Variants in KCNK2 observed in about 807,000 individuals in gnomAD.
KCNK2 encodes potassium two pore domain channel subfamily K member 2, also known as potassium channel subfamily K member 2.
A neutral mutation model predicts 40.5 loss-of-function variants in KCNK2; 21 were observed. The ratio of observed to expected loss-of-function variants is 0.52; its 90% CI spans 0.37 to 0.75. The LOEUF (loss-of-function observed/expected upper bound fraction) is 0.75, where lower values mean the gene tolerates loss of function less well. Among genes scored for constraint, KCNK2 ranks in the 30% least tolerant of loss-of-function variants. The probability of loss-of-function intolerance (pLI) is 0.00; values close to 1 mark genes in which losing one functional copy is unlikely to be tolerated. For synonymous variants in KCNK2, 191 were observed against 202.2 expected (o/e 0.94, Z 0.47); for missense variants, 399 against 531.6 (o/e 0.75, Z 2.45).
At chr1:215,046,636 C>G (rs1258887464) in intron 1 of KCNK2, among the ~76,000 whole-genome samples, 1 of 151,998 alleles carries the variant, frequency 6.6e-6, no homozygotes, top group Non-Finnish European at 1.5e-5. Flanking sequence ...GTTTTCTCAG[C>G]TTTTAAAATC....
chr1:215,170,665 G>A (rs555732588), intron 4 of KCNK2, among the ~76,000 whole-genome samples: 1 of 152,188 alleles, frequency 6.6e-6, no homozygotes, highest in South Asian at 2.1e-4. Context: ...GTTCAACATT[G>A]TGTTGAAATA....
At chr1:215,143,460 GTAACAGTATT>G (rs1403063398) in intron 3 of KCNK2, among the ~76,000 whole-genome samples, 2 of 152,154 alleles carry the variant, frequency 1.3e-5, no homozygotes, top group Non-Finnish European at 2.9e-5. Flanking sequence ...GGTCTCTTGT[GTAACAGTATT>G]TAGCATGTGG....
chr1:215,168,265 A>G (rs1424178715), intron 3 of KCNK2, among the ~76,000 whole-genome samples: 1 of 152,232 alleles, frequency 6.6e-6, no homozygotes, highest in African/African-American at 2.4e-5. Flanking sequence ...GGAAATGTAA[A>G]TTAGTTCAAC....
intron 3 of KCNK2, among the ~76,000 whole-genome samples, chr1:215,141,153 T>C (rs1458889060): frequency 2.0e-5 from 3 of 152,170 alleles, no homozygotes; most frequent in Non-Finnish European, 4.4e-5. Flanking sequence ...TGTCATCTCC[T>C]ATGATAACAA....
intron 1 of KCNK2, among the ~76,000 whole-genome samples, chr1:215,065,177 G>GA: frequency 6.6e-6 from 1 of 152,228 alleles, no homozygotes; most frequent in South Asian, 2.1e-4. Context: ...ACAGAACTCT[G>GA]AAAATGGAAC....
chr1:215,022,824 A>G (rs574483426), intron 1 of KCNK2, among the ~76,000 whole-genome samples: 6 of 152,308 alleles, frequency 3.9e-5, no homozygotes, highest in South Asian at 2.1e-4. Context: ...GAAAGAAAGA[A>G]ACAAACCCTG....
intron 1 of KCNK2, among the ~76,000 whole-genome samples, chr1:215,051,004 A>G (rs760109920): frequency 6.6e-6 from 1 of 152,128 alleles, no homozygotes; most frequent in Non-Finnish European, 1.5e-5. Context: ...TGTGGTTTTG[A>G]TCTTGATTCA....
intron 3 of KCNK2, among the ~76,000 whole-genome samples, chr1:215,141,484 A>C (rs189177520): frequency 4.5e-4 from 68 of 152,246 alleles, no homozygotes; most frequent in Non-Finnish European, 1.3e-4. Context: ...TCTATCTGTG[A>C]CCAAATGTTA....
chr1:215,067,819 C>T (rs968311526), intron 1 of KCNK2, among the ~76,000 whole-genome samples: 29 of 151,994 alleles, frequency 1.9e-4, no homozygotes, highest in African/African-American at 6.0e-4. Context: ...TGAGCCGACA[C>T]GGTGCCACTT....
At chr1:215,153,145 A>G (rs562558870) in intron 3 of KCNK2, among the ~76,000 whole-genome samples, 2 of 152,288 alleles carry the variant, frequency 1.3e-5, no homozygotes, top group African/African-American at 4.8e-5. Flanking sequence ...GTTGCTTACT[A>G]CAAGTTTAGC....
chr1:215,159,800 T>C (rs763261226), intron 3 of KCNK2, among the ~76,000 whole-genome samples: 3 of 152,172 alleles, frequency 2.0e-5, no homozygotes, highest in Non-Finnish European at 2.9e-5. Context: ...AGTGAAACCT[T>C]ACAGACCTAC....
At position 215,235,214 on chromosome 1, in the gene KCNK2, T is replaced by C; in HGVS notation, c.*69T>C. 2 of 1,345,600 alleles carry C rather than the reference T, an allele frequency of 1.5e-6. No individual in the cohort carries two copies. Among genetic ancestry groups the C allele is most frequent in the Non-Finnish European group, 2.0e-6 (2 of 983,220 alleles). 83.4% of individuals were successfully genotyped at this position (1,345,600 alleles called of 1,614,324 possible). A position where few individuals can be genotyped will look rare whatever the true frequency, so the allele number is the denominator to read the frequency against. Reference sequence around the variant, plus strand: ...TCTCTATGCTCTTTATGACTGTTGCTGGTAGCATTTTTTAAATTGTGCATG... The same window carrying C: ...TCTCTATGCTCTTTATGACTGTTGCCGGTAGCATTTTTTAAATTGTGCATG... On this transcript the variant is annotated 3_prime_UTR_variant, in exon 7 of 7. Coordinates refer to ENST00000444842, the MANE Select transcript of KCNK2 (RefSeq NM_001017425.3).
intron 3 of KCNK2, among the ~76,000 whole-genome samples, chr1:215,156,075 G>GTA (rs1662907257): frequency 6.6e-6 from 1 of 151,896 alleles, no homozygotes; most frequent in Non-Finnish European, 1.5e-5. Flanking sequence ...GTGTGTGTGT[G>GTA]TGTGTGTATA....
intron 6 of KCNK2, among the ~76,000 whole-genome samples, chr1:215,213,031 G>A (rs1665802807): frequency 6.6e-6 from 1 of 152,144 alleles, no homozygotes; most frequent in Non-Finnish European, 1.5e-5. Context: ...AGTTCGAGAG[G>A]GAAAAGTGAG....
At chr1:215,056,499 C>CAAA (rs376076606) in intron 1 of KCNK2, among the ~76,000 whole-genome samples, 462 of 53,348 alleles carry the variant, frequency 8.7e-3, no homozygotes, top group African/African-American at 0.014. Flanking sequence ...GACTCAGTCT[C>CAAA]AAAAAAAAAA....
chr1:215,135,918 A>G (rs1466486084), intron 3 of KCNK2, among the ~76,000 whole-genome samples: 1 of 151,868 alleles, frequency 6.6e-6, no homozygotes, highest in African/African-American at 2.4e-5. Context: ...TATTTTTAGT[A>G]GAGACGGGGT....
intron 5 of KCNK2, among the ~76,000 whole-genome samples, chr1:215,189,373 G>T (rs766627024): frequency 1.6e-4 from 24 of 152,244 alleles, no homozygotes; most frequent in Non-Finnish European, 2.9e-4. Flanking sequence ...ATTCCAAATT[G>T]TTCTAGATTG....
rs553981311 is a variant in KCNK2 at position 215,184,079 on chromosome 1, C to T, written c.824-10874C>T. 7.2e-5 allele frequency among the ~76,000 whole-genome samples: 11 copies of T among 152,244 alleles called. No individual in the cohort carries two copies. In the South Asian group the frequency reaches 2.3e-3, roughly 32 times the overall value. Reference sequence around the variant, plus strand: ...GTCTAGATGTACCAGTGTATATCCTCTCTGGATGAGGACCCTGGGAAAGGA... The same window carrying T: ...GTCTAGATGTACCAGTGTATATCCTTTCTGGATGAGGACCCTGGGAAAGGA... On this transcript the variant is annotated intron_variant, in intron 5 of 6. Transcript: ENST00000444842.
intron 3 of KCNK2, among the ~76,000 whole-genome samples, chr1:215,156,960 A>C (rs1662957472): frequency 2.8e-5 from 1 of 35,580 alleles, no homozygotes; most frequent in Admixed American, 3.1e-4. Flanking sequence ...CTGAGGCAGG[A>C]GAATCACTTG....
Sources: allele counts gnomAD v4.1 joint callset (sites outside exome capture counted in the v4.1 genomes callset), GRCh38; gene constraint gnomAD v4.1.1; transcripts MANE v1.5; gene names NCBI Gene and HGNC (gene_info 2026-07-23, HGNC 2026-07-21).